LRMDA: variants seen among roughly 807,000 people sequenced by gnomAD.
The protein encoded by LRMDA is leucine rich melanocyte differentiation associated.
LRMDA carries 18 observed loss-of-function variants against 29.8 expected under a neutral mutation model. The ratio of observed to expected loss-of-function variants is 0.60; its 90% CI spans 0.42 to 0.90. The LOEUF (loss-of-function observed/expected upper bound fraction) is 0.90, where lower values mean the gene tolerates loss of function less well. Ranked by LOEUF, LRMDA falls within the 40% of genes least tolerant of loss-of-function variation. LRMDA has a pLI of 0.00. For synonymous variants in LRMDA, 125 were observed against 109.4 expected (o/e 1.14, Z -0.89); for missense variants, 273 against 273.9 (o/e 1.00, Z 0.02).
intron 2 of LRMDA, among the ~76,000 whole-genome samples, chr10:75,553,892 G>C (rs754844477): frequency 6.6e-6 from 1 of 152,130 alleles, no homozygotes; most frequent in African/African-American, 2.4e-5. Flanking sequence ...TGAGGAGTGA[G>C]TGCAGACTCT....
chr10:76,118,422 CCAAT>C (rs962640678), intron 5 of LRMDA, among the ~76,000 whole-genome samples: 79 of 152,144 alleles, frequency 5.2e-4, no homozygotes, highest in East Asian at 1.9e-4. Context: ...ATGTTATTAC[CCAAT>C]CAGAGTGTGT....
intron 5 of LRMDA, among the ~76,000 whole-genome samples, chr10:76,184,379 G>A (rs1851109140): frequency 6.6e-6 from 1 of 152,138 alleles, no homozygotes; most frequent in South Asian, 2.1e-4. Context: ...TAAGACTGAA[G>A]TTCTGTGTCT....
At chr10:75,548,616 C>T (rs57145319) in intron 2 of LRMDA, among the ~76,000 whole-genome samples, 4,287 of 152,240 alleles carry the variant, frequency 0.028, 225 homozygotes, top group African/African-American at 0.098. Context: ...GAACTCTCTG[C>T]ATTCTTAAGC....
chr10:75,575,801 C>A (rs1840497143), intron 2 of LRMDA, among the ~76,000 whole-genome samples: 1 of 152,156 alleles, frequency 6.6e-6, no homozygotes, highest in Admixed American at 6.5e-5. Flanking sequence ...CAAAGGAAGG[C>A]ATTAGGGACT....
chr10:75,954,937 A>C (rs1229919534), intron 2 of LRMDA, among the ~76,000 whole-genome samples: 1 of 152,204 alleles, frequency 6.6e-6, no homozygotes, highest in African/African-American at 2.4e-5. Context: ...AATGCACACA[A>C]GTGATAAAAG....
At chr10:76,449,988 A>C (rs1842390341) in intron 6 of LRMDA, among the ~76,000 whole-genome samples, 1 of 152,050 alleles carries the variant, frequency 6.6e-6, no homozygotes, top group African/African-American at 2.4e-5. Flanking sequence ...TTTCCTAAAA[A>C]GTTAATTGAT....
intron 5 of LRMDA, among the ~76,000 whole-genome samples, chr10:76,286,236 C>T (rs1394152737): frequency 6.6e-6 from 1 of 152,068 alleles, no homozygotes; most frequent in African/African-American, 2.4e-5. Flanking sequence ...CATTAGATGC[C>T]CTACTTTACC....
chr10:75,591,860 G>A (rs1200019739), intron 2 of LRMDA, among the ~76,000 whole-genome samples: 1 of 152,160 alleles, frequency 6.6e-6, no homozygotes, highest in Non-Finnish European at 1.5e-5. Flanking sequence ...TTTACCTTCT[G>A]GTGGAGGAGA....
At chr10:76,492,918 T>C (rs1842847895) in intron 6 of LRMDA, among the ~76,000 whole-genome samples, 1 of 151,998 alleles carries the variant, frequency 6.6e-6, no homozygotes, top group Admixed American at 6.6e-5. Context: ...GTGGGAATTA[T>C]TACAATTCAA....
chr10:75,611,409 G>T (rs920259724), intron 2 of LRMDA, among the ~76,000 whole-genome samples: 2 of 152,086 alleles, frequency 1.3e-5, no homozygotes, highest in African/African-American at 4.8e-5. Flanking sequence ...CAGCTCTGTG[G>T]CATTACCCGC....
rs1008408942 is a variant in LRMDA, at chr10:76,239,184, G to C, written c.517-85217G>C. 4.6e-5 allele frequency among the ~76,000 whole-genome samples: 7 copies of C among 152,218 alleles called. No individual in the cohort carries two copies. The East Asian group carries it at 9.7e-4, about 21-fold the overall frequency. Reference sequence around the variant, plus strand: ...CCTAGATAGTCAATTTGGGTGATAGGGGGTGGCCAGCTGCTTGCTTGGGTC... The same window carrying C: ...CCTAGATAGTCAATTTGGGTGATAGCGGGTGGCCAGCTGCTTGCTTGGGTC... On this transcript the variant is annotated intron_variant, in intron 5 of 6. Transcript: ENST00000611255.
intron 2 of LRMDA, among the ~76,000 whole-genome samples, chr10:75,823,638 A>G (rs756968236): frequency 6.6e-6 from 1 of 152,022 alleles, no homozygotes; most frequent in Non-Finnish European, 1.5e-5. Context: ...CCCGAAAGCT[A>G]TACAATCAAC....
intron 5 of LRMDA, among the ~76,000 whole-genome samples, chr10:76,248,491 TG>T (rs1300923819): frequency 6.6e-6 from 1 of 152,206 alleles, no homozygotes; most frequent in African/African-American, 2.4e-5. Flanking sequence ...TCCTAAGACA[TG>T]CCTCTTTAGG....
chr10:76,081,887 G>A (rs1189662371), intron 5 of LRMDA, among the ~76,000 whole-genome samples: 1 of 152,142 alleles, frequency 6.6e-6, no homozygotes, highest in East Asian at 1.9e-4. Context: ...TTACTTTGTT[G>A]TATAGATTTC....
intron 5 of LRMDA, among the ~76,000 whole-genome samples, chr10:76,290,280 T>C (rs12570832): frequency 0.048 from 7,237 of 152,252 alleles, 507 homozygotes; most frequent in African/African-American, 0.15. Context: ...AAATGCTCAA[T>C]TCTGAAAGGA....
intron 5 of LRMDA, among the ~76,000 whole-genome samples, chr10:76,259,670 C>T (rs765654549): frequency 1.5e-4 from 23 of 151,958 alleles, no homozygotes; most frequent in Non-Finnish European, 2.6e-4. Context: ...GTGTTGAAGT[C>T]CCCAACTACT....
chr10:75,691,810 T>A (rs1216415076), intron 2 of LRMDA, among the ~76,000 whole-genome samples: 1 of 152,154 alleles, frequency 6.6e-6, no homozygotes, highest in African/African-American at 2.4e-5. Flanking sequence ...AGACTGCTCA[T>A]CCTCCCTCCA....
chr10:75,907,653 T>C (rs932772120), intron 2 of LRMDA, among the ~76,000 whole-genome samples: 1 of 152,174 alleles, frequency 6.6e-6, no homozygotes, highest in Admixed American at 6.5e-5. Context: ...AGTGGAGCTG[T>C]CGTTAATATC....
intron 2 of LRMDA, among the ~76,000 whole-genome samples, chr10:75,752,208 CTTTTTTTTT>C (rs780364065): frequency 8.8e-6 from 1 of 113,136 alleles, no homozygotes; most frequent in African/African-American, 3.5e-5. Flanking sequence ...TAACGTGTCT[CTTTTTTTTT>C]TTTTTTTTTT....
Sources: gnomAD v4.1 joint callset for allele counts (sites outside exome capture counted in the v4.1 genomes callset) on GRCh38, gnomAD v4.1.1 for gene constraint, MANE v1.5 for transcripts, NCBI Gene and HGNC (gene_info 2026-07-23, HGNC 2026-07-21) for gene names.